F13A1: variants seen among roughly 807,000 people sequenced by gnomAD.
F13A1 encodes coagulation factor XIII A chain.
In F13A1, 47 loss-of-function variants were observed where a neutral mutation model predicts 80.1. The ratio of observed to expected loss-of-function variants is 0.59; its 90% confidence interval spans 0.46 to 0.75. The LOEUF is 0.75. Among genes scored for constraint, F13A1 ranks in the 30% least tolerant of loss-of-function variants. The pLI is 0.00. For missense variants in F13A1, 817 were observed against 930.4 expected, an observed-to-expected ratio of 0.88 and a Z score of 1.59; for synonymous variants, 349 against 344.9, an observed-to-expected ratio of 1.01 and a Z score of -0.13.
Position 6,246,504 on chromosome 6 carries a change from TCCAAAAATAAAA to T in F13A1, c.798+1796_798+1807del, listed in dbSNP as rs201091071. 9.6e-3 allele frequency among the ~76,000 whole-genome samples: 1,457 copies of T among 152,290 alleles called. 22 individuals carry two copies. The highest frequency in any genetic ancestry group is 0.033 in the African/African-American group (1,386 of 41,566). Reference sequence around the variant, plus strand: ...CCCCTTAACACCCAAATTCTCCCCCTCCAAAAATAAAACCAAACCGTTTTCCAAATGGATTTT... The same window carrying T: ...CCCCTTAACACCCAAATTCTCCCCCTCCAAACCGTTTTCCAAATGGATTTT... On this transcript the variant is annotated intron_variant, in intron 6 of 14. Coordinates refer to ENST00000264870, the MANE Select transcript of F13A1 (RefSeq NM_000129.4).
intron 10 of F13A1, 140 bp from the exon 11 acceptor site, chr6:6,182,281 G>T: frequency 2.4e-6 from 2 of 834,372 alleles, no homozygotes; most frequent in Non-Finnish European, 3.9e-6. Context: ...TCGTATCATA[G>T]GGCCAAACAG....
Position 6,250,912 on chromosome 6 carries a change from C to T in F13A1, c.589G>A (p.Asp197Asn). The change falls in exon 5 of 15, where the codon GAC becomes AAC. Residue 197 changes from aspartate (D) to asparagine (N), a missense_variant. Transcript: ENST00000264870. This position sits in a 1 kb window ranked among gnomAD's most constrained non-coding sequence, Gnocchi z 4.2. ...TACTCTTCTCTTTCTTTCTCATTGTCCAGATACACAGCATCATCTGCATCA... is the reference window on the plus strand; with the variant it reads ...TACTCTTCTCTTTCTTTCTCATTGTTCAGATACACAGCATCATCTGCATCA... ...PWCEDDAVYL[D>N]NEKEREEYVL... The T allele has an allele frequency of 1.2e-6, 2 of 1,611,170 alleles. No homozygotes were observed. The highest frequency in any genetic ancestry group is 1.7e-6 in the Non-Finnish European group (2 of 1,177,784).
chr6:6,172,000 T>C (rs747984523), intron 12 of F13A1, among the ~76,000 whole-genome samples: 1 of 152,256 alleles, frequency 6.6e-6, no homozygotes, highest in Non-Finnish European at 1.5e-5. Context: ...TGTATTTTTC[T>C]ATTACCCATA....
intron 10 of F13A1, among the ~76,000 whole-genome samples, chr6:6,191,334 C>T (rs532673845): frequency 3.3e-4 from 51 of 152,314 alleles, no homozygotes; most frequent in Admixed American, 5.9e-4. Flanking sequence ...CCTACATTTA[C>T]GGCTAATTTT....
chr6:6,277,574 T>C (rs763291593), intron 3 of F13A1, among the ~76,000 whole-genome samples: 1 of 152,210 alleles, frequency 6.6e-6, no homozygotes, highest in Non-Finnish European at 1.5e-5. Context: ...CATCACCAGA[T>C]GCTGACTAAC....
rs975128745 is a variant in F13A1, at chr6:6,310,952, C to T, written c.131-5413G>A. 3.7e-4 allele frequency among the ~76,000 whole-genome samples: 56 copies of T among 152,104 alleles called. 2 individuals carry two copies. The highest frequency in any genetic ancestry group is 3.7e-3 in the Admixed American group (56 of 15,278). ...CAGGGAAGCATGCCATTTTATACTC[C>T]TTATCTTCTGAGCAGACAGGCTTGC... On this transcript the variant is annotated intron_variant, in intron 2 of 14. Transcript: ENST00000264870.
chr6:6,224,879 A>C lies in F13A1; in HGVS notation c.799-19T>G. The C allele has an allele frequency of 1.2e-6, 2 of 1,613,884 alleles. No individual in the cohort carries two copies. The highest frequency in any genetic ancestry group is 1.7e-6 in the Non-Finnish European group (2 of 1,179,822). ...CATTCACCTAAATGAGTCCGTGAGAAGTGAGAAGGAAGAAAGTTCATTTAG... is the reference window on the plus strand; with the variant it reads ...CATTCACCTAAATGAGTCCGTGAGACGTGAGAAGGAAGAAAGTTCATTTAG... On this transcript the variant is annotated intron_variant, in intron 6 of 14. Coordinates refer to ENST00000264870, the MANE Select transcript of F13A1 (RefSeq NM_000129.4).
chr6:6,157,703 G>A (rs2151070028), intron 13 of F13A1, among the ~76,000 whole-genome samples: 1 of 152,194 alleles, frequency 6.6e-6, no homozygotes, highest in Middle Eastern at 3.4e-3. Flanking sequence ...CACTATCTAG[G>A]ATTTTCTCTT....
chr6:6,152,838 G>A (rs1235808631), intron 13 of F13A1, among the ~76,000 whole-genome samples: 1 of 152,184 alleles, frequency 6.6e-6, no homozygotes, highest in Admixed American at 6.5e-5. Flanking sequence ...AGACTTGTTT[G>A]TTTGTTTAGG....
At chr6:6,175,643 G>C (rs1176442211) in intron 11 of F13A1, among the ~76,000 whole-genome samples, 1 of 152,232 alleles carries the variant, frequency 6.6e-6, no homozygotes, top group Non-Finnish European at 1.5e-5. Context: ...TCTAAGTGAA[G>C]CCCAGCAGCA....
chr6:6,305,351 C>A lies in F13A1; in HGVS notation c.319G>T (p.Gly107Cys). The change falls in exon 3 of 15, where the codon GGT becomes TGT. Residue 107 changes from glycine (G) to cysteine (C), a missense_variant and splice_region_variant. By Grantham distance (159) the Gly-to-Cys change is radical. Coordinates refer to ENST00000264870, the MANE Select transcript of F13A1 (RefSeq NM_000129.4). The stretch of plus-strand genomic sequence containing the variant: ...ACTGGAGCTTGCACATGGCACTCAC[C>A]AATGACGTATTCCACCCTGAAGAGA... ...RDLFRVEYVI[G>C]RYPQENKGTY... 18 of 1,614,142 alleles carry A rather than the reference C, an allele frequency of 1.1e-5. No individual in the cohort carries two copies. The highest frequency in any genetic ancestry group is 1.5e-5 in the Non-Finnish European group (18 of 1,180,022).
rs781705895 is a variant in F13A1, at chr6:6,318,585, A to G, written c.80T>C (p.Leu27Pro). 6.8e-6 allele frequency: 11 copies of G among 1,613,620 alleles called. No individual in the cohort carries two copies. The highest frequency in any genetic ancestry group is 5.1e-6 in the Non-Finnish European group (6 of 1,179,934). ...PNNSNAAEDD[L>P]PTVELQGVVP... Reference sequence around the variant, plus strand: ...CACGCCCTGAAGCTCCACTGTGGGCAGGTCATCTTCCGCTGCATTAGAGTT... The same window carrying G: ...CACGCCCTGAAGCTCCACTGTGGGCGGGTCATCTTCCGCTGCATTAGAGTT... Residue 27 changes from leucine to proline, a missense_variant, in exon 2 of 15, where the codon CTG becomes CCG. Coordinates refer to ENST00000264870, the MANE Select transcript of F13A1 (RefSeq NM_000129.4).
At chr6:6,173,758 C>A (rs1377553222) in intron 12 of F13A1, among the ~76,000 whole-genome samples, 4 of 152,116 alleles carry the variant, frequency 2.6e-5, no homozygotes, top group Admixed American at 6.5e-5. Context: ...GCACACTATT[C>A]ATTCTGGACA....
At chr6:6,307,818 C>A (rs192802928) in intron 2 of F13A1, among the ~76,000 whole-genome samples, 3 of 152,264 alleles carry the variant, frequency 2.0e-5, no homozygotes, top group Non-Finnish European at 2.9e-5. Flanking sequence ...TTTTAAACAA[C>A]TCTAATTATT....
At chr6:6,256,854 A>C (rs1277012330) in intron 4 of F13A1, among the ~76,000 whole-genome samples, 1 of 152,198 alleles carries the variant, frequency 6.6e-6, no homozygotes, top group Non-Finnish European at 1.5e-5. Flanking sequence ...AGCAAGTTCC[A>C]TTTCCTTGGT....
intron 2 of F13A1, among the ~76,000 whole-genome samples, chr6:6,313,264 C>T (rs1475072): frequency 0.73 from 109,726 of 149,500 alleles, 40,543 homozygotes; most frequent in East Asian, 0.86. Flanking sequence ...AATGGAACAG[C>T]TCATTGCTAA....
chr6:6,251,864 A>G (rs906248544), intron 4 of F13A1, among the ~76,000 whole-genome samples: 3 of 152,200 alleles, frequency 2.0e-5, no homozygotes, highest in Admixed American at 6.5e-5. Context: ...AGACTGATAA[A>G]ACGTGAACCA....
chr6:6,298,270 G>A (rs1283836149), intron 3 of F13A1, among the ~76,000 whole-genome samples: 1 of 147,354 alleles, frequency 6.8e-6, no homozygotes, highest in Non-Finnish European at 1.5e-5. Flanking sequence ...AGGTCCGCTT[G>A]GTGCAGAGCT....
intron 8 of F13A1, among the ~76,000 whole-genome samples, chr6:6,216,962 A>T (rs12175695): frequency 1.3e-4 from 19 of 148,774 alleles, no homozygotes; most frequent in East Asian, 1.2e-3. Context: ...GAAATGCAAA[A>T]CAAAACCACA....
Sources: allele counts gnomAD v4.1 joint callset (sites outside exome capture counted in the v4.1 genomes callset), GRCh38; gene constraint gnomAD v4.1.1; non-coding constraint Gnocchi (gnomAD v3.1); transcripts MANE v1.5; gene names NCBI Gene and HGNC (gene_info 2026-07-23, HGNC 2026-07-21).